The following TTYH1 variants were observed in gnomAD, a reference collection of about 807,000 sequenced individuals.
The protein encoded by TTYH1 is tweety family member 1.
In TTYH1, 33 loss-of-function variants were observed where a neutral mutation model predicts 61.2. The ratio of observed to expected loss-of-function variants is 0.54; its 90% CI spans 0.41 to 0.72. The LOEUF (loss-of-function observed/expected upper bound fraction) is 0.72, where lower values mean the gene tolerates loss of function less well. Among genes scored for constraint, TTYH1 ranks in the 30% least tolerant of loss-of-function variants. TTYH1 has a pLI of 0.00. For missense variants in TTYH1, 538 were observed against 575.8 expected, an observed-to-expected ratio of 0.93 and a Z score of 0.67; for synonymous variants, 308 against 266.4, an observed-to-expected ratio of 1.16 and a Z score of -1.52.
rs765337415 is a variant in TTYH1 at position 54,435,804 on chromosome 19, G to C, written c.1269-24G>C. On this transcript the variant is annotated intron_variant, in intron 11 of 13. Coordinates refer to ENST00000376530, the MANE Select transcript of TTYH1 (RefSeq NM_020659.4). Reference sequence around the variant, plus strand: ...TGATGGGTCCCCATCCCGCCTCTCTGCCATGCCCCGCATCAAACCCCAGTG... The same window carrying C: ...TGATGGGTCCCCATCCCGCCTCTCTCCCATGCCCCGCATCAAACCCCAGTG... The C allele has an allele frequency of 1.1e-5, 17 of 1,613,780 alleles. No individual in the cohort carries two copies. In the Admixed American group the frequency reaches 2.8e-4, roughly 27 times the overall value.
chr19:54,417,107 C>T (rs565202401), intron 1 of TTYH1, among the ~76,000 whole-genome samples: 2 of 152,214 alleles, frequency 1.3e-5, no homozygotes, highest in East Asian at 1.9e-4. Flanking sequence ...GGGGGAGGCA[C>T]ACAGCCACAC....
At chr19:54,424,572 G>A (rs2083284980) in intron 4 of TTYH1, among the ~76,000 whole-genome samples, 2 of 152,242 alleles carry the variant, frequency 1.3e-5, no homozygotes, top group African/African-American at 4.8e-5. Context: ...GGCTGCACAA[G>A]CCGGGCCTCA....
intron 8 of TTYH1, 69 bp downstream of exon 8, chr19:54,430,674 GGGGCT>G: frequency 6.4e-7 from 1 of 1,560,884 alleles, no homozygotes; most frequent in Non-Finnish European, 8.8e-7. Context: ...GGGAGGGGGC[GGGGCT>G]GGGGCTGGGG....
In TTYH1 at chr19:54,415,582, A is replaced by T; in HGVS notation, c.30A>T (p.Ser10=). 6.6e-7 allele frequency: 1 copy of T among 1,515,698 alleles called. No homozygotes were observed. Among genetic ancestry groups the T allele is most frequent in the Middle Eastern group, 1.9e-4 (1 of 5,214 alleles). 93.9% of individuals were successfully genotyped at this position (1,515,698 alleles called of 1,614,324 possible). A position where few individuals can be genotyped will look rare whatever the true frequency, so the allele number is the denominator to read the frequency against. Residue 10 remains serine, a synonymous_variant, in exon 1 of 14, where the codon TCA becomes TCT. Transcript: ENST00000376530. The surrounding 1 kb of genome is among the most constrained non-coding windows in gnomAD (Gnocchi z 5.2). Reference sequence around the variant, plus strand: ...GGGCGCCCCCGGGCTACCGGCCCTCAGCTTGGGTGCATCTCCTCCACCAGC... The same window carrying T: ...GGGCGCCCCCGGGCTACCGGCCCTCTGCTTGGGTGCATCTCCTCCACCAGC... MGAPPGYRP[S]AWVHLLHQLP... is the part of the protein sequence containing the mutation.
chr19:54,423,940 A>T (rs1412029276), intron 4 of TTYH1, among the ~76,000 whole-genome samples: 1 of 152,176 alleles, frequency 6.6e-6, no homozygotes. Context: ...AGGCAGGCGG[A>T]TCACGAGGTC....
In TTYH1 at chr19:54,435,523, G is replaced by A; in HGVS notation, c.1126-19G>A. ...GGGAGGGGGTGGGGACGCATGGCCTGATGACGCCCTCCCCTCAGGACTATG... is the reference window on the plus strand; with the variant it reads ...GGGAGGGGGTGGGGACGCATGGCCTAATGACGCCCTCCCCTCAGGACTATG... On this transcript the variant is annotated intron_variant, in intron 10 of 13. Transcript: ENST00000376530. 6.3e-7 allele frequency: 1 copy of A among 1,577,890 alleles called. No homozygotes were observed. Among genetic ancestry groups the A allele is most frequent in the Non-Finnish European group, 8.6e-7 (1 of 1,165,570 alleles).
chr19:54,417,641 T>G (rs1011337987), intron 1 of TTYH1, among the ~76,000 whole-genome samples: 7 of 149,346 alleles, frequency 4.7e-5, no homozygotes, highest in Non-Finnish European at 1.0e-4. Context: ...ATATATATGC[T>G]TACACACTCA....
Position 54,429,953 on chromosome 19 carries a change from C to T in TTYH1, c.879C>T (p.Ser293=). ...LNLTQEETGL[S]SDILSYYLLC... ...TGACCCAGGAGGAGACAGGGCTCAG[C>T]TCAGGTGATTTCCAAGGGCCCGGTG... is the stretch of plus-strand genomic sequence containing the variant. The change falls in exon 7 of 14, where the codon AGC becomes AGT. Residue 293 remains serine, a synonymous_variant. Coordinates refer to ENST00000376530, the MANE Select transcript of TTYH1 (RefSeq NM_020659.4). This position sits in a 1 kb window ranked among gnomAD's most constrained non-coding sequence, Gnocchi z 5.1. 1 of 1,613,834 alleles carries T rather than the reference C, an allele frequency of 6.2e-7. No homozygotes were observed. Among genetic ancestry groups the T allele is most frequent in the East Asian group, 2.2e-5 (1 of 44,878 alleles).
rs144710284 is a variant in TTYH1 at position 54,419,226 on chromosome 19, C to T, written c.225C>T (p.Pro75=). Residue 75 remains proline, a synonymous_variant, in exon 2 of 14, where the codon CCC becomes CCT. Transcript: ENST00000376530. The surrounding 1 kb of genome is among the most constrained non-coding windows in gnomAD (Gnocchi z 6.1). ...YLIRFCCCRP[P]EPPGSKIPSP... is the part of the protein sequence containing the mutation. ...TCCGCTTCTGCTGCTGCCGGCCCCCCGAGCCCCCCGGGTCCAAGATCCCCT... is the reference window on the plus strand; with the variant it reads ...TCCGCTTCTGCTGCTGCCGGCCCCCTGAGCCCCCCGGGTCCAAGATCCCCT... 214 of 1,609,998 alleles carry T rather than the reference C, an allele frequency of 1.3e-4. No homozygotes were observed. The highest frequency in any genetic ancestry group is 1.2e-4 in the Non-Finnish European group (140 of 1,179,948).
intron 10 of TTYH1, 83 bp downstream of exon 10, chr19:54,431,274 A>C (rs746149046): frequency 1.0e-4 from 93 of 925,092 alleles, no homozygotes; most frequent in Admixed American, 5.6e-5. Context: ...TTCTCCTTGG[A>C]CCCCTGCCAT....
Position 54,426,717 on chromosome 19 carries a change from G to T in TTYH1, c.683G>T (p.Cys228Phe). 6.2e-7 allele frequency: 1 copy of T among 1,614,060 alleles called. No individual in the cohort carries two copies. The highest frequency in any genetic ancestry group is 1.1e-5 in the South Asian group (1 of 91,072). ...CTGCTGCTCCTGGAGCTGCTGGTCT[G>T]CCTCTTCACCCTCCTGGGCCTGGCG... ...VLLLLLELLV[C>F]LFTLLGLAKQ... The change falls in exon 5 of 14, where the codon TGC becomes TTC. Residue 228 changes from cysteine (C) to phenylalanine (F), a missense_variant. Around this residue, in one of 3 missense-constraint regions of TTYH1, gnomAD observed 378 missense variants for 401.2 expected, o/e 0.94. Coordinates refer to ENST00000376530, the MANE Select transcript of TTYH1 (RefSeq NM_020659.4).
chr19:54,420,578 C>A lies in TTYH1; in HGVS notation c.306-699C>A, dbSNP rs1158764856. On this transcript the variant is annotated intron_variant, in intron 2 of 13. Coordinates refer to ENST00000376530, the MANE Select transcript of TTYH1 (RefSeq NM_020659.4). The surrounding 1 kb of genome is among the most constrained non-coding windows in gnomAD (Gnocchi z 4.8). ...GGGCGGGGACGGGAGGGGTCTGGGGCCCCACATTCAGGTCCCACAATGGAG... is the reference window on the plus strand; with the variant it reads ...GGGCGGGGACGGGAGGGGTCTGGGGACCCACATTCAGGTCCCACAATGGAG... 6.4e-6 allele frequency: 1 copy of A among 155,376 alleles called. No individual in the cohort carries two copies. The highest frequency in any genetic ancestry group is 2.4e-5 in the African/African-American group (1 of 41,388). The allele number at this position is 155,376 out of a possible 1,614,324, so 9.6% of individuals were successfully genotyped here.
rs879577913 is a variant in TTYH1 at position 54,423,170 on chromosome 19, C to T, written c.638+760C>T. On this transcript the variant is annotated intron_variant, in intron 4 of 13. Coordinates refer to ENST00000376530, the MANE Select transcript of TTYH1 (RefSeq NM_020659.4). ...CAGGCCACTCACTCAGTCGTTCATC[C>T]GTGTGACATGTGTATTTGTTCAGCA... Among the ~76,000 whole-genome samples, 81 of 151,832 alleles carry T rather than the reference C, an allele frequency of 5.3e-4. 1 individual carries two copies. The highest frequency in any genetic ancestry group is 6.8e-3 in the Middle Eastern group (2 of 292).
rs539307506 is a variant in TTYH1 at position 54,419,394 on chromosome 19, G to A, written c.305+88G>A. ...TCCTGGGGGTGTCCTCCGGGGACATGGAGGAAGCAGACAGGAAGGAGGAAA... is the reference window on the plus strand; with the variant it reads ...TCCTGGGGGTGTCCTCCGGGGACATAGAGGAAGCAGACAGGAAGGAGGAAA... On this transcript the variant is annotated intron_variant, in intron 2 of 13. Transcript: ENST00000376530. This position sits in a 1 kb window ranked among gnomAD's most constrained non-coding sequence, Gnocchi z 6.1. 1.8e-5 allele frequency: 25 copies of A among 1,376,186 alleles called. No homozygotes were observed. The East Asian group carries it at 5.6e-4, about 31-fold the overall frequency. 85.2% of individuals were successfully genotyped at this position (1,376,186 alleles called of 1,614,324 possible).
chr19:54,430,691 C>T, intron 8 of TTYH1, 86 bp downstream of exon 8: 2 of 1,573,754 alleles, frequency 1.3e-6, no homozygotes, highest in Non-Finnish European at 1.7e-6. Flanking sequence ...GGGCTGGGGC[C>T]TGGACTCCTG....
Position 54,421,244 on chromosome 19 carries a change from C to G in TTYH1, c.306-33C>G, listed in dbSNP as rs760253274. 35 of 1,497,522 alleles carry G rather than the reference C, an allele frequency of 2.3e-5. No individual in the cohort carries two copies. The allele number at this position is 1,497,522 out of a possible 1,614,324, so 92.8% of individuals were successfully genotyped here. ...CGGTGGCCCCCGGGGTCCTGGGACC[C>G]GCTGAGATTCCTCTCCCTCCTCCTC... On this transcript the variant is annotated intron_variant, in intron 2 of 13. Coordinates refer to ENST00000376530, the MANE Select transcript of TTYH1 (RefSeq NM_020659.4). This position sits in a 1 kb window ranked among gnomAD's most constrained non-coding sequence, Gnocchi z 4.8.
Position 54,416,201 on chromosome 19 carries a change from A to T in TTYH1, c.126+523A>T. On this transcript the variant is annotated intron_variant, in intron 1 of 13. Transcript: ENST00000376530. The surrounding 1 kb of genome is among the most constrained non-coding windows in gnomAD (Gnocchi z 7.0). Reference sequence around the variant, plus strand: ...GGGAAGGGGGCTTCAGGGGCTGAGGACCAGGGCTGGAAAATGAAGGGGCTC... The same window carrying T: ...GGGAAGGGGGCTTCAGGGGCTGAGGTCCAGGGCTGGAAAATGAAGGGGCTC... The T allele has an allele frequency of 5.1e-6, 3 of 587,076 alleles. No individual in the cohort carries two copies. Among genetic ancestry groups the T allele is most frequent in the South Asian group, 5.1e-5 (3 of 59,060 alleles). The allele number at this position is 587,076 out of a possible 1,614,324, so 36.4% of individuals were successfully genotyped here. A position where few individuals can be genotyped will look rare whatever the true frequency, so the allele number is the denominator to read the frequency against.
At chr19:54,422,559 C>G in intron 4 of TTYH1, 149 bp downstream of exon 4, 1 of 634,708 alleles carries the variant, frequency 1.6e-6, no homozygotes, top group South Asian at 2.1e-5. Flanking sequence ...AGCCCAGGAA[C>G]TGTTCAACAC....
At chr19:54,431,239 C>A in intron 10 of TTYH1, 48 bp downstream of exon 10, 1 of 1,383,432 alleles carries the variant, frequency 7.2e-7, no homozygotes, top group Non-Finnish European at 1.0e-6. Flanking sequence ...GGGCCTCTGT[C>A]TCGACCCACA....
Sources: gnomAD v4.1 joint callset for allele counts (sites outside exome capture counted in the v4.1 genomes callset) on GRCh38, gnomAD v4.1.1 for gene constraint, gnomAD v4.1.1 regional missense constraint, Gnocchi (gnomAD v3.1) non-coding constraint, MANE v1.5 for transcripts, NCBI Gene and HGNC (gene_info 2026-07-23, HGNC 2026-07-21) for gene names.